The following ATF7IP variants were observed in gnomAD, a reference collection of about 807,000 sequenced individuals.
ATF7IP encodes activating transcription factor 7 interacting protein.
In ATF7IP, 23 loss-of-function variants were observed where a neutral mutation model predicts 106.4. The observed-to-expected ratio is 0.22, with a 90% CI of 0.16 to 0.31. ATF7IP has a LOEUF of 0.31. Ranked by LOEUF, ATF7IP falls within the 10% of genes least tolerant of loss-of-function variation. The pLI is 1.00. For synonymous variants in ATF7IP, 542 were observed against 539.0 expected (o/e 1.01, Z -0.08); for missense variants, 1,334 against 1,524.3 (o/e 0.88, Z 2.08).
chr12:14,431,163 G>T (rs1393331049), intron 2 of ATF7IP, among the ~76,000 whole-genome samples: 2 of 152,112 alleles, frequency 1.3e-5, no homozygotes, highest in Non-Finnish European at 2.9e-5. Context: ...TCATCTGATA[G>T]TATTAAACAT....
intron 1 of ATF7IP, among the ~76,000 whole-genome samples, chr12:14,392,505 C>T (rs1214804351): frequency 6.6e-6 from 1 of 152,188 alleles, no homozygotes; most frequent in African/African-American, 2.4e-5. Flanking sequence ...AGTTACTCAA[C>T]AAATGTAACA....
intron 13 of ATF7IP, among the ~76,000 whole-genome samples, chr12:14,490,094 AG>A (rs1353234243): frequency 6.6e-6 from 1 of 152,218 alleles, no homozygotes; most frequent in Non-Finnish European, 1.5e-5. Context: ...TAGTCACGTC[AG>A]CCTTGGTAAG....
chr12:14,405,903 T>A (rs1591802721), intron 1 of ATF7IP, among the ~76,000 whole-genome samples: 1 of 152,212 alleles, frequency 6.6e-6, no homozygotes, highest in African/African-American at 2.4e-5. Context: ...TTGATTGGTA[T>A]GTGATGTGTA....
intron 6 of ATF7IP, among the ~76,000 whole-genome samples, chr12:14,448,412 G>C (rs1197141413): frequency 6.6e-6 from 1 of 152,154 alleles, no homozygotes; most frequent in Non-Finnish European, 1.5e-5. Context: ...ATGTCTGTCT[G>C]TGTTTATGAT....
intron 1 of ATF7IP, chr12:14,385,342 A>G: frequency 1.3e-6 from 2 of 1,523,380 alleles, no homozygotes; most frequent in Admixed American, 2.0e-5. Flanking sequence ...TAGTCTTTGT[A>G]GCTGCTTAGG....
chr12:14,428,371 TGATA>T (rs1941966891), intron 2 of ATF7IP, among the ~76,000 whole-genome samples: 1 of 152,194 alleles, frequency 6.6e-6, no homozygotes, highest in Non-Finnish European at 1.5e-5. Flanking sequence ...GTAAATTTAG[TGATA>T]GATTTAATTT....
intron 1 of ATF7IP, among the ~76,000 whole-genome samples, chr12:14,398,436 A>T: frequency 7.0e-6 from 1 of 143,328 alleles, no homozygotes; most frequent in Admixed American, 6.9e-5. Flanking sequence ...TCTTGTTGGT[A>T]TATTTATTAC....
rs528086064 is a variant in ATF7IP, at chr12:14,438,048, G to C, written c.1792-82G>C. On this transcript the variant is annotated intron_variant, in intron 4 of 14. Coordinates refer to ENST00000261168, the MANE Select transcript of ATF7IP (RefSeq NM_018179.5). ...AGCCTGGGCGACAGAGCGAGACTCT[G>C]TCTCAAAAAAAAAGAATATTTACTG... The C allele has an allele frequency of 3.6e-6, 5 of 1,386,814 alleles. No individual in the cohort carries two copies. The African/African-American group carries it at 5.8e-5, about 16-fold the overall frequency. The allele number at this position is 1,386,814 out of a possible 1,614,324, so 85.9% of individuals were successfully genotyped here. A position where few individuals can be genotyped will look rare whatever the true frequency, so the allele number is the denominator to read the frequency against.
In ATF7IP at chr12:14,502,348, A is replaced by T. The variant is rs2136896643; in HGVS notation, c.*4275A>T. On this transcript the variant is annotated 3_prime_UTR_variant, in exon 15 of 15. Coordinates refer to ENST00000261168, the MANE Select transcript of ATF7IP (RefSeq NM_018179.5). ...GTGGCAGACTTGTCTAATTCCTGAA[A>T]CTCATTCATCCCCTTGAGCCAGCCA... The T allele has an allele frequency of 6.6e-6, 1 of 152,154 alleles. No individual in the cohort carries two copies. 9.4% of individuals were successfully genotyped at this position (152,154 alleles called of 1,614,324 possible).
At chr12:14,423,887 C>A in intron 1 of ATF7IP, 22 bp from the exon 2 acceptor site, 1 of 1,547,554 alleles carries the variant, frequency 6.5e-7, no homozygotes, top group Non-Finnish European at 8.7e-7. Context: ...TTATTAAACT[C>A]TCTTTCTCTT....
At chr12:14,497,558 A>G in intron 14 of ATF7IP, 96 bp from the exon 15 acceptor site, 3 of 1,238,086 alleles carry the variant, frequency 2.4e-6, no homozygotes, top group Non-Finnish European at 3.3e-6. Flanking sequence ...ATATAAAATG[A>G]TACTTCTACG....
chr12:14,397,021 A>G (rs1035706007), intron 1 of ATF7IP, among the ~76,000 whole-genome samples: 2 of 151,828 alleles, frequency 1.3e-5, no homozygotes, highest in Non-Finnish European at 1.5e-5. Flanking sequence ...AATTAGCCAG[A>G]TGTGGTGGCG....
chr12:14,457,166 G>A (rs769598226), intron 7 of ATF7IP, 41 bp from the exon 8 acceptor site: 34 of 1,488,190 alleles, frequency 2.3e-5, no homozygotes, highest in Non-Finnish European at 3.1e-5. Context: ...TTCCCTGAGT[G>A]GCATATCTAT....
chr12:14,366,580 A>C (rs1271427961), intron 1 of ATF7IP, among the ~76,000 whole-genome samples: 2 of 152,188 alleles, frequency 1.3e-5, no homozygotes, highest in Non-Finnish European at 2.9e-5. Context: ...TAAGTAAATA[A>C]AGTTTTAATT....
chr12:14,442,967 C>T (rs1189268901), intron 5 of ATF7IP, among the ~76,000 whole-genome samples: 3 of 152,078 alleles, frequency 2.0e-5, no homozygotes, highest in African/African-American at 7.2e-5. Context: ...CCAGCCTGGC[C>T]AACATAGTGA....
intron 13 of ATF7IP, among the ~76,000 whole-genome samples, chr12:14,485,461 A>C (rs1944572142): frequency 6.6e-6 from 1 of 152,104 alleles, no homozygotes. Context: ...ATGGCACACA[A>C]ATGTCTCATC....
intron 1 of ATF7IP, among the ~76,000 whole-genome samples, chr12:14,405,138 G>A (rs1940487652): frequency 6.6e-6 from 1 of 152,066 alleles, no homozygotes; most frequent in Admixed American, 6.6e-5. Flanking sequence ...CAGTGGAGGT[G>A]CTGGTTCATT....
At position 14,456,227 on chromosome 12, in the gene ATF7IP, A is replaced by T. The variant is rs182460792; in HGVS notation, c.1996-334A>T. Among the ~76,000 whole-genome samples the T allele has an allele frequency of 3.6e-3, 554 of 152,236 alleles. 2 individuals carry two copies. Among genetic ancestry groups the T allele is most frequent in the South Asian group, 7.2e-3 (35 of 4,828 alleles). On this transcript the variant is annotated intron_variant, in intron 6 of 14. Transcript: ENST00000261168. Reference sequence around the variant, plus strand: ...ATGAGTGAGTCTGGTTATTCTTTAGATTTATATTGTTAATGTTTTTTAAAC... The same window carrying T: ...ATGAGTGAGTCTGGTTATTCTTTAGTTTTATATTGTTAATGTTTTTTAAAC...
intron 5 of ATF7IP, among the ~76,000 whole-genome samples, chr12:14,444,653 G>C (rs549442893): frequency 6.6e-6 from 1 of 152,194 alleles, no homozygotes; most frequent in South Asian, 2.1e-4. Flanking sequence ...GCTGCTCTTT[G>C]ATTTCTCTGT....
Sources: gnomAD v4.1 joint callset for allele counts (sites outside exome capture counted in the v4.1 genomes callset) on GRCh38, gnomAD v4.1.1 for gene constraint, MANE v1.5 for transcripts, NCBI Gene and HGNC (gene_info 2026-07-23, HGNC 2026-07-21) for gene names.